The following ALK variants were observed in gnomAD, a reference collection of about 807,000 sequenced individuals.
The protein encoded by ALK is ALK receptor tyrosine kinase.
In ALK, 74 loss-of-function variants were observed where a neutral mutation model predicts 163.1. The observed-to-expected ratio is 0.45, with a 90% confidence interval of 0.38 to 0.55. The LOEUF is 0.55. ALK is among the 20% of genes least tolerant of loss of function. ALK has a pLI of 0.00. For missense variants in ALK, 2,063 were observed against 2,105.3 expected, an observed-to-expected ratio of 0.98 and a Z score of 0.39; for synonymous variants, 960 against 843.2, an observed-to-expected ratio of 1.14 and a Z score of -2.40.
chr2:29,735,420 A>T (rs1438418662), intron 1 of ALK, among the ~76,000 whole-genome samples: 1 of 152,088 alleles, frequency 6.6e-6, no homozygotes, highest in Non-Finnish European at 1.5e-5. Context: ...AAACAACTTA[A>T]ATATCTAGCA....
chr2:29,536,029 C>T (rs1032583425), intron 3 of ALK, among the ~76,000 whole-genome samples: 3 of 152,166 alleles, frequency 2.0e-5, no homozygotes, highest in African/African-American at 7.2e-5. Context: ...CCTGTACTAG[C>T]ATCATTTGTT....
intron 3 of ALK, among the ~76,000 whole-genome samples, chr2:29,573,642 T>C (rs1428210360): frequency 6.6e-6 from 1 of 152,212 alleles, no homozygotes; most frequent in African/African-American, 2.4e-5. Flanking sequence ...TTATTCGTAC[T>C]ACTATGGCAG....
intron 1 of ALK, among the ~76,000 whole-genome samples, chr2:29,789,802 T>G (rs996644641): frequency 1.3e-5 from 2 of 152,156 alleles, no homozygotes. Flanking sequence ...TGATCTGGAG[T>G]GGAACCTGGA....
At chr2:29,335,492 A>C (rs1485983285) in intron 5 of ALK, among the ~76,000 whole-genome samples, 1 of 152,148 alleles carries the variant, frequency 6.6e-6, no homozygotes, top group East Asian at 1.9e-4. Flanking sequence ...TTTTTAGACA[A>C]CAAAGAACTA....
At chr2:29,891,598 T>C (rs984016406) in intron 1 of ALK, among the ~76,000 whole-genome samples, 11 of 152,110 alleles carry the variant, frequency 7.2e-5, no homozygotes, top group African/African-American at 2.4e-4. Flanking sequence ...GCCCATAAAG[T>C]AGAACATTTT....
chr2:29,562,434 C>T (rs1267849528), intron 3 of ALK, among the ~76,000 whole-genome samples: 1 of 152,206 alleles, frequency 6.6e-6, no homozygotes, highest in African/African-American at 2.4e-5. Context: ...AGGCCTGTAA[C>T]CATCTCTCAG....
At chr2:29,340,850 G>A (rs1010816299) in intron 5 of ALK, among the ~76,000 whole-genome samples, 2 of 152,080 alleles carry the variant, frequency 1.3e-5, no homozygotes, top group Non-Finnish European at 2.9e-5. Context: ...CTCTGCCTTG[G>A]CCTCTAATCC....
chr2:29,673,080 CT>C (rs1388660006), intron 3 of ALK, among the ~76,000 whole-genome samples: 1 of 138,562 alleles, frequency 7.2e-6, no homozygotes, highest in African/African-American at 3.0e-5. Context: ...GATATTAGCC[CT>C]TTGTCAGATG....
In ALK at chr2:29,814,866, C is replaced by T. The variant is rs571432500; in HGVS notation, c.668-97169G>A. On this transcript the variant is annotated intron_variant, in intron 1 of 28. Transcript: ENST00000389048. The stretch of plus-strand genomic sequence containing the variant: ...GTACAATTTAAATGTACTTACAGTG[C>T]CTAGCAACTAGTAAACTGTCAGTGC... 3.5e-3 allele frequency among the ~76,000 whole-genome samples: 531 copies of T among 151,662 alleles called. 4 individuals carry two copies. Among genetic ancestry groups the T allele is most frequent in the Middle Eastern group, 0.01 (3 of 294 alleles).
intron 3 of ALK, among the ~76,000 whole-genome samples, chr2:29,676,943 C>T (rs1175921941): frequency 6.6e-6 from 1 of 151,966 alleles, no homozygotes; most frequent in Non-Finnish European, 1.5e-5. Context: ...GTTGTTAGAA[C>T]ATAGAAATAC....
At chr2:29,737,688 C>G (rs1029124205) in intron 1 of ALK, among the ~76,000 whole-genome samples, 2 of 152,080 alleles carry the variant, frequency 1.3e-5, no homozygotes, top group South Asian at 4.1e-4. Flanking sequence ...TGGTAGGCAT[C>G]TGCCATGAAC....
chr2:29,413,262 G>A (rs556726188), intron 4 of ALK, among the ~76,000 whole-genome samples: 17 of 152,230 alleles, frequency 1.1e-4, no homozygotes, highest in Non-Finnish European at 2.1e-4. Context: ...CATGGCGTAT[G>A]TTTTACAGTA....
At chr2:29,714,103 G>A (rs1679182606) in intron 2 of ALK, among the ~76,000 whole-genome samples, 1 of 152,080 alleles carries the variant, frequency 6.6e-6, no homozygotes, top group Admixed American at 6.5e-5. Context: ...TAGGTAGTTA[G>A]AGCCTAATCC....
chr2:29,193,235 G>A lies in ALK; in HGVS notation c.4852C>T (p.Pro1618Ser), dbSNP rs1668918068. The A allele has an allele frequency of 6.2e-7, 1 of 1,614,078 alleles. No homozygotes were observed. The highest frequency in any genetic ancestry group is 8.5e-7 in the Non-Finnish European group (1 of 1,180,008). Residue 1618 changes from proline to serine, a missense_variant, in exon 29 of 29, where the codon CCT becomes TCT. Pro to Ser is a moderately conservative substitution (Grantham distance 74, BLOSUM62 -1). Around this residue, in one of 5 missense-constraint regions of ALK, gnomAD observed 403 missense variants for 366.2 expected, o/e 1.10. Transcript: ENST00000389048. ...ILKSKNSMNQ[P>S]GP is the part of the protein sequence containing the mutation. ...GTGTGCGACCGAGCTCAGGGCCCAG[G>A]CTGGTTCATGCTATTCTTGCTTTTC... is the stretch of plus-strand genomic sequence containing the variant.
At chr2:29,215,299 G>A (rs1256821140) in intron 23 of ALK, among the ~76,000 whole-genome samples, 1 of 152,196 alleles carries the variant, frequency 6.6e-6, no homozygotes, top group Non-Finnish European at 1.5e-5. Flanking sequence ...GCCTGCTGGA[G>A]GTTTTTCTCT....
chr2:29,881,745 C>T (rs367650474), intron 1 of ALK, among the ~76,000 whole-genome samples: 6 of 152,288 alleles, frequency 3.9e-5, no homozygotes, highest in East Asian at 1.9e-4. Context: ...CCCAATCCCC[C>T]ACCCTCTTCA....
chr2:29,847,823 G>A (rs1293835489), intron 1 of ALK, among the ~76,000 whole-genome samples: 1 of 151,848 alleles, frequency 6.6e-6, no homozygotes, highest in Non-Finnish European at 1.5e-5. Context: ...AGAGAAATGA[G>A]AGAGCGTAGG....
At chr2:29,919,325 C>T (rs1035881759) in intron 1 of ALK, among the ~76,000 whole-genome samples, 3 of 152,072 alleles carry the variant, frequency 2.0e-5, no homozygotes, top group Non-Finnish European at 2.9e-5. Flanking sequence ...AACTTTCCTT[C>T]CTTCCTCCAC....
chr2:29,769,348 T>G (rs1344426433), intron 1 of ALK, among the ~76,000 whole-genome samples: 11 of 152,170 alleles, frequency 7.2e-5, no homozygotes, highest in Admixed American at 7.2e-4. Context: ...CTTTCACTTT[T>G]TTCTGTGTCT....
Sources: gnomAD v4.1 joint callset for allele counts (sites outside exome capture counted in the v4.1 genomes callset) on GRCh38, gnomAD v4.1.1 for gene constraint, gnomAD v4.1.1 regional missense constraint, MANE v1.5 for transcripts, NCBI Gene and HGNC (gene_info 2026-07-23, HGNC 2026-07-21) for gene names.